Variants in GPBAR1 observed in about 807,000 individuals in gnomAD.
The protein encoded by GPBAR1 is G-protein coupled bile acid receptor 1.
GPBAR1 carries 13 observed loss-of-function variants against 13.0 expected under a neutral mutation model. The ratio of observed to expected loss-of-function variants is 1.00; its 90% CI spans 0.65 to 1.59. The LOEUF is 1.59. Ranked by LOEUF, GPBAR1 falls within the 40% of genes most tolerant of loss-of-function variation. The probability of loss-of-function intolerance (pLI) is 0.00; values close to 1 mark genes in which losing one functional copy is unlikely to be tolerated. For synonymous variants in GPBAR1, 193 were observed against 205.2 expected (o/e 0.94, Z 0.51); for missense variants, 398 against 436.4 (o/e 0.91, Z 0.78).
In GPBAR1 at chr2:218,263,108, GCTC is replaced by G. The variant is rs1690489489; in HGVS notation, c.388_390del (p.Leu130del). 3 of 1,612,784 alleles carry G rather than the reference GCTC, an allele frequency of 1.9e-6. No individual in the cohort carries two copies. The highest frequency in any genetic ancestry group is 2.5e-6 in the Non-Finnish European group (3 of 1,179,836). On this transcript the variant is annotated inframe_deletion, in exon 2 of 2. Transcript: ENST00000519574. The surrounding 1 kb of genome is among the most constrained non-coding windows in gnomAD (Gnocchi z 4.2). The stretch of plus-strand genomic sequence containing the variant: ...CCCCTGGGAGCATTCGGCTGGCCCT[GCTC>G]CTCACCTGGGCTGGTCCCCTGCTCT...
chr2:218,260,038 A>C (rs939032629), upstream of GPBAR1: 7 of 152,192 alleles, frequency 4.6e-5, no homozygotes, highest in Non-Finnish European at 1.0e-4. Context: ...CGCCCCTCTC[A>C]GCAGATCTGT....
Position 218,263,433 on chromosome 2 carries a change from TG to T in GPBAR1, c.714del (p.Tyr240ThrfsTer29). On this transcript the variant is annotated frameshift_variant, in exon 2 of 2. Coordinates refer to ENST00000519574, the MANE Select transcript of GPBAR1 (RefSeq NM_170699.3). LOFTEE classifies it high-confidence loss of function. This position sits in a 1 kb window ranked among gnomAD's most constrained non-coding sequence, Gnocchi z 4.2. ...AGCCATGCTGCTCTTCGGGCTGTGC[TG>T]GGGGCCCTACGTGGCCACACTGCTC... The part of the protein sequence containing the change: ...AGAMLLFGLC[W>X]GPYVATLLLS... The T allele has an allele frequency of 6.2e-7, 1 of 1,603,084 alleles. No individual in the cohort carries two copies. Among genetic ancestry groups the T allele is most frequent in the Non-Finnish European group, 8.5e-7 (1 of 1,175,830 alleles).
rs1690525178 is a variant in GPBAR1 at position 218,263,560 on chromosome 2, C to T, written c.836C>T (p.Ala279Val). ...GCCAGTGCAGCGGCAGTGCCCGTAGCCATGGGGCTGGGCGATCAGCGCTAC... is the reference window on the plus strand; with the variant it reads ...GCCAGTGCAGCGGCAGTGCCCGTAGTCATGGGGCTGGGCGATCAGCGCTAC... The part of the protein sequence containing the change: ...GSASAAAVPV[A>V]MGLGDQRYTA... Residue 279 changes from alanine to valine, a missense_variant, in exon 2 of 2, where the codon GCC becomes GTC. Ala to Val is a moderately conservative substitution (Grantham distance 64, BLOSUM62 0). Coordinates refer to ENST00000519574, the MANE Select transcript of GPBAR1 (RefSeq NM_170699.3). This position sits in a 1 kb window ranked among gnomAD's most constrained non-coding sequence, Gnocchi z 4.2. The T allele has an allele frequency of 6.2e-7, 1 of 1,612,536 alleles. No individual in the cohort carries two copies. Among genetic ancestry groups the T allele is most frequent in the Non-Finnish European group, 8.5e-7 (1 of 1,179,730 alleles).
In GPBAR1 at chr2:218,262,547, T is replaced by C. The variant is rs1690452921; in HGVS notation, c.-45-133T>C. The C allele has an allele frequency of 1.6e-6, 1 of 609,624 alleles. No homozygotes were observed. Among genetic ancestry groups the C allele is most frequent in the East Asian group, 2.8e-5 (1 of 35,746 alleles). 37.8% of individuals were successfully genotyped at this position (609,624 alleles called of 1,614,324 possible). A position where few individuals can be genotyped will look rare whatever the true frequency, so the allele number is the denominator to read the frequency against. On this transcript the variant is annotated intron_variant, in intron 1 of 1. Transcript: ENST00000519574. This position sits in a 1 kb window ranked among gnomAD's most constrained non-coding sequence, Gnocchi z 5.1. ...TATAAATGTTTAATTGGCAATTAAT[T>C]GAAAAATTCTGTGTATCAGCGAACA...
chr2:218,263,277 T>C lies in GPBAR1; in HGVS notation c.553T>C (p.Ser185Pro), dbSNP rs1190654629. 3.1e-6 allele frequency: 5 copies of C among 1,607,176 alleles called. No individual in the cohort carries two copies. In the African/African-American group the frequency reaches 6.7e-5, roughly 21 times the overall value. Reference sequence around the variant, plus strand: ...CGCCGTGGGTGCTGCTGCCTTCCTCTCTGTCCGCGTGCTGGCCACTGCCCA... The same window carrying C: ...CGCCGTGGGTGCTGCTGCCTTCCTCCCTGTCCGCGTGCTGGCCACTGCCCA... ...LPAVGAAAFLSVRVLATAHRQ... is the reference protein window; with the variant it reads ...LPAVGAAAFLPVRVLATAHRQ... The change falls in exon 2 of 2, where the codon TCT becomes CCT. Residue 185 changes from serine to proline, a missense_variant. Coordinates refer to ENST00000519574, the MANE Select transcript of GPBAR1 (RefSeq NM_170699.3). This position sits in a 1 kb window ranked among gnomAD's most constrained non-coding sequence, Gnocchi z 4.2.
Position 218,263,422 on chromosome 2 carries a change from T to A in GPBAR1, c.698T>A (p.Phe233Tyr), listed in dbSNP as rs1249019160. Reference sequence around the variant, plus strand: ...GCACAGGCTGGAGCCATGCTGCTCTTCGGGCTGTGCTGGGGGCCCTACGTG... The same window carrying A: ...GCACAGGCTGGAGCCATGCTGCTCTACGGGCTGTGCTGGGGGCCCTACGTG... The part of the protein sequence containing the change: ...ARAQAGAMLL[F>Y]GLCWGPYVAT... The change falls in exon 2 of 2, where the codon TTC becomes TAC. Residue 233 changes from phenylalanine (F) to tyrosine (Y), a missense_variant. Transcript: ENST00000519574. This position sits in a 1 kb window ranked among gnomAD's most constrained non-coding sequence, Gnocchi z 4.2. The A allele has an allele frequency of 6.2e-7, 1 of 1,602,946 alleles. No homozygotes were observed. The highest frequency in any genetic ancestry group is 1.1e-5 in the South Asian group (1 of 89,630).
Position 218,262,758 on chromosome 2 carries a change from C to T in GPBAR1, c.34C>T (p.Pro12Ser), listed in dbSNP as rs747879212. 2 of 1,607,936 alleles carry T rather than the reference C, an allele frequency of 1.2e-6. No homozygotes were observed. Among genetic ancestry groups the T allele is most frequent in the Non-Finnish European group, 1.7e-6 (2 of 1,176,808 alleles). The change falls in exon 2 of 2, where the codon CCC (proline) becomes TCC (serine). Residue 12 changes from proline (P) to serine (S), a missense_variant. By Grantham distance (74) the Pro-to-Ser change is moderately conservative (BLOSUM62 -1). Coordinates refer to ENST00000519574, the MANE Select transcript of GPBAR1 (RefSeq NM_170699.3). This position sits in a 1 kb window ranked among gnomAD's most constrained non-coding sequence, Gnocchi z 5.1. ...CAACAGCACTGGCGAGGTGCCCAGC[C>T]CCATTCCCAAGGGGGCTTTGGGGCT... ...TPNSTGEVPS[P>S]IPKGALGLSL...
chr2:218,262,522 T>C lies in GPBAR1; in HGVS notation c.-45-158T>C, dbSNP rs1690451998. On this transcript the variant is annotated intron_variant, in intron 1 of 1. Transcript: ENST00000519574. This position sits in a 1 kb window ranked among gnomAD's most constrained non-coding sequence, Gnocchi z 5.1. ...AATAGAAACCAAAGATAGTTTTTTATATAAATGTTTAATTGGCAATTAATT... is the reference window on the plus strand; with the variant it reads ...AATAGAAACCAAAGATAGTTTTTTACATAAATGTTTAATTGGCAATTAATT... 3 of 587,390 alleles carry C rather than the reference T, an allele frequency of 5.1e-6. No homozygotes were observed. Among genetic ancestry groups the C allele is most frequent in the Non-Finnish European group, 8.9e-6 (3 of 337,152 alleles). 36.4% of individuals were successfully genotyped at this position (587,390 alleles called of 1,614,324 possible). A position where few individuals can be genotyped will look rare whatever the true frequency, so the allele number is the denominator to read the frequency against.
intron 1 of GPBAR1, among the ~76,000 whole-genome samples, chr2:218,261,492 G>A (rs1690413103): frequency 6.6e-6 from 1 of 152,230 alleles, no homozygotes; most frequent in Non-Finnish European, 1.5e-5. Flanking sequence ...GATGCCCTGG[G>A]AAAGGGAACA....
Position 218,263,605 on chromosome 2 carries a change from C to T in GPBAR1, c.881C>T (p.Ala294Val), listed in dbSNP as rs753677730. The T allele has an allele frequency of 1.2e-6, 2 of 1,612,792 alleles. No homozygotes were observed. The highest frequency in any genetic ancestry group is 1.7e-6 in the Non-Finnish European group (2 of 1,179,866). The change falls in exon 2 of 2, where the codon GCC becomes GTC. Residue 294 changes from alanine to valine, a missense_variant. Coordinates refer to ENST00000519574, the MANE Select transcript of GPBAR1 (RefSeq NM_170699.3). This position sits in a 1 kb window ranked among gnomAD's most constrained non-coding sequence, Gnocchi z 4.2. ...DQRYTAPWRAAAQRCLQGLWG... is the reference protein window; with the variant it reads ...DQRYTAPWRAVAQRCLQGLWG... ...CGCTACACAGCCCCCTGGAGGGCAG[C>T]CGCCCAAAGGTGCCTGCAGGGGCTG...
In GPBAR1 at chr2:218,262,902, G is replaced by A; in HGVS notation, c.178G>A (p.Ala60Thr). 1 of 1,613,714 alleles carries A rather than the reference G, an allele frequency of 6.2e-7. No individual in the cohort carries two copies. The highest frequency in any genetic ancestry group is 8.5e-7 in the Non-Finnish European group (1 of 1,179,776). Residue 60 changes from alanine to threonine, a missense_variant, in exon 2 of 2, where the codon GCT (alanine) becomes ACT (threonine). Coordinates refer to ENST00000519574, the MANE Select transcript of GPBAR1 (RefSeq NM_170699.3). The surrounding 1 kb of genome is among the most constrained non-coding windows in gnomAD (Gnocchi z 5.1). ...CTGCTTCTTCCTGAGCCTACTGCTGGCTGGGCTGCTCACGGGTCTGGCATT... is the reference window on the plus strand; with the variant it reads ...CTGCTTCTTCCTGAGCCTACTGCTGACTGGGCTGCTCACGGGTCTGGCATT... Reference protein sequence around the residue: ...AGCFFLSLLLAGLLTGLALPT... With the variant: ...AGCFFLSLLLTGLLTGLALPT...
chr2:218,260,364 C>T (rs1690381292), upstream of GPBAR1, among the ~76,000 whole-genome samples: 1 of 152,174 alleles, frequency 6.6e-6, no homozygotes, highest in South Asian at 2.1e-4. Flanking sequence ...TGGGGCAAAC[C>T]CCCACCCATC....
In GPBAR1 at chr2:218,263,635, G is replaced by A; in HGVS notation, c.911G>A (p.Gly304Glu). The A allele has an allele frequency of 6.2e-7, 1 of 1,612,832 alleles. No individual in the cohort carries two copies. Among genetic ancestry groups the A allele is most frequent in the Non-Finnish European group, 8.5e-7 (1 of 1,179,844 alleles). Residue 304 changes from glycine to glutamate, a missense_variant, in exon 2 of 2, where the codon GGA becomes GAA. Transcript: ENST00000519574. This position sits in a 1 kb window ranked among gnomAD's most constrained non-coding sequence, Gnocchi z 4.2. The stretch of plus-strand genomic sequence containing the variant: ...CAAAGGTGCCTGCAGGGGCTGTGGG[G>A]AAGAGCCTCCCGGGACAGTCCCGGC... Reference protein sequence around the residue: ...AAQRCLQGLWGRASRDSPGPS... With the variant: ...AAQRCLQGLWERASRDSPGPS...
In GPBAR1 at chr2:218,262,686, C is replaced by A; in HGVS notation, c.-39C>A. 6.6e-7 allele frequency: 1 copy of A among 1,506,868 alleles called. No homozygotes were observed. 93.3% of individuals were successfully genotyped at this position (1,506,868 alleles called of 1,614,324 possible). A position where few individuals can be genotyped will look rare whatever the true frequency, so the allele number is the denominator to read the frequency against. On this transcript the variant is annotated 5_prime_UTR_variant, in exon 2 of 2. Coordinates refer to ENST00000519574, the MANE Select transcript of GPBAR1 (RefSeq NM_170699.3). This position sits in a 1 kb window ranked among gnomAD's most constrained non-coding sequence, Gnocchi z 5.1. ...TGGCCACCCCATCCTGCAGGCATGC[C>A]GGCTGCCGCTCCAGGACTCCCCTGT...
At chr2:218,260,294 G>A (rs59274449), upstream of GPBAR1, 123 of 152,306 alleles carry the variant, frequency 8.1e-4, no homozygotes, top group African/African-American at 2.9e-3. Context: ...AGACAGCTCT[G>A]ATTCCAGCGC....
chr2:218,263,392 C>A lies in GPBAR1; in HGVS notation c.668C>A (p.Ala223Glu). 1 of 1,599,262 alleles carries A rather than the reference C, an allele frequency of 6.3e-7. No homozygotes were observed. The highest frequency in any genetic ancestry group is 8.5e-7 in the Non-Finnish European group (1 of 1,174,250). ...GCCCGGGCCCTTACCTGGAGGCAGG[C>A]AAGGGCACAGGCTGGAGCCATGCTG... is the stretch of plus-strand genomic sequence containing the variant. Reference protein sequence around the residue: ...ALARALTWRQARAQAGAMLLF... With the variant: ...ALARALTWRQERAQAGAMLLF... Residue 223 changes from alanine to glutamate, a missense_variant, in exon 2 of 2, where the codon GCA becomes GAA. Transcript: ENST00000519574. The surrounding 1 kb of genome is among the most constrained non-coding windows in gnomAD (Gnocchi z 4.2).
rs764994899 is a variant in GPBAR1, at chr2:218,263,676, C to T, written c.952C>T (p.His318Tyr). 3 of 1,612,956 alleles carry T rather than the reference C, an allele frequency of 1.9e-6. No homozygotes were observed. The highest frequency in any genetic ancestry group is 3.3e-5 in the Admixed American group (2 of 60,028). Residue 318 changes from histidine (H) to tyrosine (Y), a missense_variant, in exon 2 of 2, where the codon CAC (histidine) becomes TAC (tyrosine). His to Tyr is a moderately conservative substitution (Grantham distance 83). Coordinates refer to ENST00000519574, the MANE Select transcript of GPBAR1 (RefSeq NM_170699.3). This position sits in a 1 kb window ranked among gnomAD's most constrained non-coding sequence, Gnocchi z 4.2. The part of the protein sequence containing the change: ...RDSPGPSIAY[H>Y]PSSQSSVDLD... ...CAGTCCCGGCCCCAGCATTGCCTAC[C>T]ACCCAAGCAGCCAAAGCAGTGTCGA...
rs974704702 is a variant in GPBAR1, at chr2:218,262,965, G to A, written c.241G>A (p.Gly81Ser). Residue 81 changes from glycine to serine, a missense_variant, in exon 2 of 2, where the codon GGT becomes AGT. Gly to Ser is a moderately conservative substitution (Grantham distance 56). Coordinates refer to ENST00000519574, the MANE Select transcript of GPBAR1 (RefSeq NM_170699.3). This position sits in a 1 kb window ranked among gnomAD's most constrained non-coding sequence, Gnocchi z 5.1. Reference protein sequence around the residue: ...LPGLWNQSRRGYWSCLLVYLA... With the variant: ...LPGLWNQSRRSYWSCLLVYLA... ...AGGGCTGTGGAACCAGAGTCGCCGG[G>A]GTTACTGGTCCTGCCTCCTCGTCTA... The A allele has an allele frequency of 6.2e-7, 1 of 1,613,924 alleles. No individual in the cohort carries two copies. Among genetic ancestry groups the A allele is most frequent in the Non-Finnish European group, 8.5e-7 (1 of 1,179,876 alleles).
At position 218,262,598 on chromosome 2, in the gene GPBAR1, T is replaced by G. The variant is rs1039105552; in HGVS notation, c.-45-82T>G. On this transcript the variant is annotated intron_variant, in intron 1 of 1. Transcript: ENST00000519574. This position sits in a 1 kb window ranked among gnomAD's most constrained non-coding sequence, Gnocchi z 5.1. Reference sequence around the variant, plus strand: ...TGATACAGCCCACAGCCTGCGGGTCTGCGCCCCTGGATTAACATGCTGCCC... The same window carrying G: ...TGATACAGCCCACAGCCTGCGGGTCGGCGCCCCTGGATTAACATGCTGCCC... 1.6e-5 allele frequency: 16 copies of G among 997,384 alleles called. No homozygotes were observed. The African/African-American group carries it at 2.6e-4, about 16-fold the overall frequency. The allele number at this position is 997,384 out of a possible 1,614,324, so 61.8% of individuals were successfully genotyped here. A position where few individuals can be genotyped will look rare whatever the true frequency, so the allele number is the denominator to read the frequency against.
Sources: allele counts gnomAD v4.1 joint callset (sites outside exome capture counted in the v4.1 genomes callset), GRCh38; gene constraint gnomAD v4.1.1; non-coding constraint Gnocchi (gnomAD v3.1); transcripts MANE v1.5; gene names NCBI Gene and HGNC (gene_info 2026-07-23, HGNC 2026-07-21).